Variants in THNSL1 observed in about 807,000 individuals in gnomAD.
THNSL1 encodes the protein threonine synthase like 1, also known as threonine synthase-like 1.
A neutral mutation model predicts 50.4 loss-of-function variants in THNSL1; 48 were observed. That is an observed-to-expected ratio of 0.95 (90% confidence interval 0.76 to 1.21). The LOEUF (loss-of-function observed/expected upper bound fraction) is 1.21. Among genes scored for constraint, THNSL1 ranks in the 50% most tolerant of loss-of-function variants. THNSL1 has a pLI of 0.00. For synonymous variants in THNSL1, 309 were observed against 306.1 expected, an observed-to-expected ratio of 1.01 and a Z score of -0.10; for missense variants, 896 against 871.7, an observed-to-expected ratio of 1.03 and a Z score of -0.35.
chr10:24,967,951 TATG>T, the THNSL1 span, among the ~76,000 whole-genome samples: 6 of 151,504 alleles, frequency 4.0e-5, no homozygotes, highest in African/African-American at 1.5e-4. Context: ...TGTGTATGTG[TATG>T]ATGTGTGTGT....
the THNSL1 span, among the ~76,000 whole-genome samples, chr10:24,988,216 T>C: frequency 6.8e-6 from 1 of 146,122 alleles, no homozygotes; most frequent in African/African-American, 2.5e-5. Context: ...AGAGCAAGAC[T>C]TCATCTCAAA....
chr10:24,981,376 A>T, the THNSL1 span, among the ~76,000 whole-genome samples: 2 of 152,218 alleles, frequency 1.3e-5, no homozygotes, highest in Non-Finnish European at 2.9e-5. Context: ...GTAACTTAGG[A>T]AGTATTGCCA....
chr10:24,993,413 T>C, the THNSL1 span, among the ~76,000 whole-genome samples: 1 of 152,280 alleles, frequency 6.6e-6, no homozygotes, highest in Non-Finnish European at 1.5e-5. Context: ...AAATCACAGT[T>C]ACTAAGTGGC....
At chr10:24,986,025 G>A in the THNSL1 span, among the ~76,000 whole-genome samples, 29 of 152,234 alleles carry the variant, frequency 1.9e-4, no homozygotes, top group African/African-American at 4.3e-4. Context: ...CGATGATTGC[G>A]CCACTGCACT....
At chr10:25,022,504 A>G (rs1243638113) in intron 2 of THNSL1, among the ~76,000 whole-genome samples, 2 of 152,202 alleles carry the variant, frequency 1.3e-5, no homozygotes, top group African/African-American at 4.8e-5. Context: ...AGCCTTCAAT[A>G]TGAATAATAT....
At chr10:24,976,015 T>A in the THNSL1 span, among the ~76,000 whole-genome samples, 16 of 152,348 alleles carry the variant, frequency 1.1e-4, no homozygotes, top group African/African-American at 3.8e-4. Flanking sequence ...TGTTATTCCA[T>A]GGCAAACCAT....
the THNSL1 span, among the ~76,000 whole-genome samples, chr10:25,000,421 T>C: frequency 6.6e-6 from 1 of 152,178 alleles, no homozygotes; most frequent in African/African-American, 2.4e-5. Flanking sequence ...TTAAGGTCTC[T>C]GACTGTAATT....
rs1362767358 is a variant in THNSL1 at position 25,023,425 on chromosome 10, A to T, written c.202A>T (p.Lys68Ter). The change falls in exon 3 of 3, where the codon AAA becomes TAA. Residue 68 changes from lysine (K) to a stop codon, truncating the protein, a stop_gained. Transcript: ENST00000376356. LOFTEE classifies it high-confidence loss of function. ...CCTGATGGGACCTCCTGGTGCTGGG[A>T]AAACAACAGTAGGCAGAATAATAGG... ...IILMGPPGAG[K>*]TTVGRIIGQK... The T allele has an allele frequency of 1.9e-6, 3 of 1,614,174 alleles. No homozygotes were observed. The highest frequency in any genetic ancestry group is 2.5e-6 in the Non-Finnish European group (3 of 1,180,014).
At chr10:24,967,824 TATG>T in the THNSL1 span, among the ~76,000 whole-genome samples, 2 of 152,030 alleles carry the variant, frequency 1.3e-5, no homozygotes, top group East Asian at 1.9e-4. Flanking sequence ...TGTGCATGTA[TATG>T]ATGTGTGTAT....
the THNSL1 span, among the ~76,000 whole-genome samples, chr10:25,006,212 G>C: frequency 6.6e-6 from 1 of 152,126 alleles, no homozygotes; most frequent in African/African-American, 2.4e-5. Flanking sequence ...AACTGCTTTT[G>C]TTTAGTTATG....
chr10:25,015,919 A>C (rs1850558779), upstream of THNSL1: 3 of 1,608,372 alleles, frequency 1.9e-6, no homozygotes, highest in East Asian at 6.7e-5. Flanking sequence ...TGCACTCAGA[A>C]GAGCACGTTG....
chr10:25,015,071 A>G (rs1042625970), upstream of THNSL1, among the ~76,000 whole-genome samples: 6 of 152,190 alleles, frequency 3.9e-5, no homozygotes, highest in Non-Finnish European at 7.4e-5. Context: ...AAAAGACAGG[A>G]AACATTTCAA....
chr10:24,997,579 G>C, the THNSL1 span, among the ~76,000 whole-genome samples: 1 of 151,790 alleles, frequency 6.6e-6, no homozygotes, highest in African/African-American at 2.4e-5. Flanking sequence ...TATAGAGATA[G>C]GGTCTCACTT....
the THNSL1 span, chr10:24,984,473 A>AATC: frequency 7.3e-7 from 1 of 1,365,688 alleles, no homozygotes; most frequent in African/African-American, 1.5e-5. Flanking sequence ...ACATAATAAT[A>AATC]ATGAATTACA....
the THNSL1 span, among the ~76,000 whole-genome samples, chr10:24,961,604 T>C: frequency 6.6e-6 from 1 of 152,360 alleles, no homozygotes; most frequent in Admixed American, 6.5e-5. Flanking sequence ...TAAATTTTAC[T>C]GTGAAAACAC....
the THNSL1 span, among the ~76,000 whole-genome samples, chr10:24,967,917 G>A: frequency 2.7e-5 from 4 of 150,732 alleles, no homozygotes; most frequent in South Asian, 2.1e-4. Flanking sequence ...ATGTGTATAC[G>A]TGTGTATGAT....
At chr10:24,974,266 CTGA>C in the THNSL1 span, among the ~76,000 whole-genome samples, 1 of 149,198 alleles carries the variant, frequency 6.7e-6, no homozygotes, top group Non-Finnish European at 1.5e-5. Flanking sequence ...CGCTTGAATT[CTGA>C]TGTGATTTTT....
At chr10:24,989,425 A>G in the THNSL1 span, among the ~76,000 whole-genome samples, 3 of 152,200 alleles carry the variant, frequency 2.0e-5, no homozygotes, top group Non-Finnish European at 2.9e-5. Flanking sequence ...CCGTCACTCT[A>G]CATTTTCAGG....
the THNSL1 span, among the ~76,000 whole-genome samples, chr10:25,006,808 C>T: frequency 0.026 from 4,021 of 152,250 alleles, 198 homozygotes; most frequent in African/African-American, 0.089. Context: ...ATTAAACTTA[C>T]GAGCTTTGGT....
Sources: allele counts gnomAD v4.1 joint callset (sites outside exome capture counted in the v4.1 genomes callset), GRCh38; gene constraint gnomAD v4.1.1; transcripts MANE v1.5; gene names NCBI Gene and HGNC (gene_info 2026-07-23, HGNC 2026-07-21).